MAPK8: variants seen among roughly 807,000 people sequenced by gnomAD.
MAPK8 encodes JUN N-terminal kinase.
In MAPK8, 13 loss-of-function variants were observed where a neutral mutation model predicts 52.9. The ratio of observed to expected loss-of-function variants is 0.25; its 90% CI spans 0.16 to 0.39. The LOEUF (loss-of-function observed/expected upper bound fraction) is 0.39. Ranked by LOEUF, MAPK8 falls within the 10% of genes least tolerant of loss-of-function variation. The probability of loss-of-function intolerance (pLI) is 1.00; values close to 1 mark genes in which losing one functional copy is unlikely to be tolerated. For missense variants in MAPK8, 300 were observed against 519.2 expected (o/e 0.58, Z 4.10); for synonymous variants, 191 against 169.8 (o/e 1.12, Z -0.97).
chr10:48,368,928 TAAC>T lies in MAPK8; in HGVS notation c.-49-32682_-49-32680del. On this transcript the variant is annotated intron_variant, in intron 1 of 11. Coordinates refer to ENST00000374189, the MANE Select transcript of MAPK8 (RefSeq NM_001323329.2). ...TTCTCTTAACTATACAGCTCTAACT[TAAC>T]AGCCTCTGAATTTCTCTCCCACTTT... Among the ~76,000 whole-genome samples, 3 of 152,254 alleles carry T rather than the reference TAAC, an allele frequency of 2.0e-5. No homozygotes were observed. The South Asian group carries it at 6.2e-4, about 32-fold the overall frequency.
At chr10:48,413,286 A>C (rs886310943) in intron 5 of MAPK8, among the ~76,000 whole-genome samples, 5 of 152,166 alleles carry the variant, frequency 3.3e-5, no homozygotes, top group African/African-American at 9.7e-5. Flanking sequence ...CCTACTTTTC[A>C]GTTCATTTGG....
intron 1 of MAPK8, among the ~76,000 whole-genome samples, chr10:48,352,078 A>G (rs760088715): frequency 2.5e-4 from 38 of 152,214 alleles, no homozygotes; most frequent in African/African-American, 8.0e-4. Flanking sequence ...AGAAAGTACA[A>G]CATACTGCAA....
At chr10:48,426,979 A>G (rs1043882568) in intron 9 of MAPK8, 101 bp from the exon 10 acceptor site, 2 of 799,928 alleles carry the variant, frequency 2.5e-6, no homozygotes, top group Non-Finnish European at 4.3e-6. Flanking sequence ...ATCTAATGAT[A>G]TATTTTTATA....
intron 1 of MAPK8, among the ~76,000 whole-genome samples, chr10:48,310,259 G>C (rs191215945): frequency 4.2e-4 from 64 of 152,224 alleles, no homozygotes; most frequent in African/African-American, 1.4e-3. Flanking sequence ...TTTATAGAAG[G>C]CTTGTTCCTC....
chr10:48,362,987 C>T (rs995469858), intron 1 of MAPK8, among the ~76,000 whole-genome samples: 1 of 152,100 alleles, frequency 6.6e-6, no homozygotes, highest in African/African-American at 2.4e-5. Context: ...GATCCGCCCA[C>T]TTCGGCCTCC....
chr10:48,386,699 C>T (rs1236389457), intron 1 of MAPK8, among the ~76,000 whole-genome samples: 1 of 152,122 alleles, frequency 6.6e-6, no homozygotes, highest in African/African-American at 2.4e-5. Flanking sequence ...CACGGTGGCT[C>T]ACATCTGTAA....
chr10:48,380,279 T>A (rs1332197554), intron 1 of MAPK8, among the ~76,000 whole-genome samples: 1 of 152,150 alleles, frequency 6.6e-6, no homozygotes, highest in Non-Finnish European at 1.5e-5. Context: ...TTACTGCATA[T>A]ACCAAGGCAT....
At chr10:48,394,624 A>G (rs1321699539) in intron 1 of MAPK8, among the ~76,000 whole-genome samples, 1 of 151,906 alleles carries the variant, frequency 6.6e-6, no homozygotes, top group Non-Finnish European at 1.5e-5. Flanking sequence ...AAAATCCTAT[A>G]ATATATATAT....
intron 1 of MAPK8, among the ~76,000 whole-genome samples, chr10:48,338,838 C>T (rs1844955166): frequency 6.6e-6 from 1 of 151,936 alleles, no homozygotes; most frequent in Admixed American, 6.6e-5. Context: ...CACAAACACA[C>T]ACACCACACA....
chr10:48,364,612 A>G (rs916223525), intron 1 of MAPK8, among the ~76,000 whole-genome samples: 2 of 152,312 alleles, frequency 1.3e-5, no homozygotes, highest in South Asian at 4.1e-4. Context: ...CTATTTACAG[A>G]TGAAGAAACT....
At chr10:48,419,913 T>C (rs2043260138) in intron 5 of MAPK8, among the ~76,000 whole-genome samples, 1 of 152,232 alleles carries the variant, frequency 6.6e-6, no homozygotes. Flanking sequence ...TAGCTAATCA[T>C]AATTTCTAGC....
At chr10:48,337,495 CAAAAG>C (rs1375966728) in intron 1 of MAPK8, among the ~76,000 whole-genome samples, 1 of 151,898 alleles carries the variant, frequency 6.6e-6, no homozygotes, top group African/African-American at 2.4e-5. Flanking sequence ...ATTCCTACAT[CAAAAG>C]AAAGATCTCA....
chr10:48,317,945 C>G (rs1364944645), intron 1 of MAPK8, among the ~76,000 whole-genome samples: 1 of 151,522 alleles, frequency 6.6e-6, no homozygotes, highest in Admixed American at 6.6e-5. Flanking sequence ...TGTGACCCCC[C>G]ACCCCCCCAG....
chr10:48,341,032 T>TTATATTCTG (rs745867276), intron 1 of MAPK8, among the ~76,000 whole-genome samples: 4 of 152,386 alleles, frequency 2.6e-5, no homozygotes, highest in Non-Finnish European at 2.9e-5. Flanking sequence ...CAACAGTTTC[T>TTATATTCTG]TATATTCTGT....
chr10:48,363,540 C>T (rs1847753719), intron 1 of MAPK8, among the ~76,000 whole-genome samples: 2 of 152,160 alleles, frequency 1.3e-5, no homozygotes, highest in South Asian at 2.1e-4. Context: ...AATTTGTCGT[C>T]ATTGTATTTT....
chr10:48,345,381 A>G (rs994860973), intron 1 of MAPK8, among the ~76,000 whole-genome samples: 1 of 152,230 alleles, frequency 6.6e-6, no homozygotes, highest in Non-Finnish European at 1.5e-5. Flanking sequence ...TTTCTGGTAG[A>G]AAGTGAATCC....
At chr10:48,339,684 C>G (rs913732383) in intron 1 of MAPK8, among the ~76,000 whole-genome samples, 5 of 151,946 alleles carry the variant, frequency 3.3e-5, no homozygotes, top group Non-Finnish European at 5.9e-5. Flanking sequence ...GGACTGATAT[C>G]CATAATAAAT....
intron 1 of MAPK8, among the ~76,000 whole-genome samples, chr10:48,332,452 T>G (rs1479381903): frequency 2.0e-5 from 3 of 152,152 alleles, no homozygotes; most frequent in Non-Finnish European, 2.9e-5. Flanking sequence ...AGACGTTAGC[T>G]CTCTCATCAG....
chr10:48,320,139 C>T (rs923497600), intron 1 of MAPK8, among the ~76,000 whole-genome samples: 5 of 144,748 alleles, frequency 3.5e-5, no homozygotes, highest in Non-Finnish European at 7.5e-5. Context: ...TGGTGTTGAA[C>T]TCCTGACCTC....
Sources: gnomAD v4.1 joint callset for allele counts (sites outside exome capture counted in the v4.1 genomes callset) on GRCh38, gnomAD v4.1.1 for gene constraint, MANE v1.5 for transcripts, NCBI Gene and HGNC (gene_info 2026-07-23, HGNC 2026-07-21) for gene names.